Variants in KDM6B observed in about 807,000 individuals in gnomAD.
KDM6B encodes lysine-specific demethylase 6B.
A neutral mutation model predicts 150.4 loss-of-function variants in KDM6B; 22 were observed. That is an observed-to-expected ratio of 0.15 (90% confidence interval 0.10 to 0.21). KDM6B has a LOEUF of 0.21. Ranked by LOEUF, KDM6B falls within the 10% of genes least tolerant of loss-of-function variation. The probability of loss-of-function intolerance (pLI) is 1.00; values close to 1 mark genes in which losing one functional copy is unlikely to be tolerated. For synonymous variants in KDM6B, 1,148 were observed against 921.1 expected (o/e 1.25, Z -4.46); for missense variants, 1,984 against 2,234.3 (o/e 0.89, Z 2.26).
chr17:7,836,677 C>T (rs1372521404), intron 1 of KDM6B, among the ~76,000 whole-genome samples: 2 of 152,242 alleles, frequency 1.3e-5, no homozygotes, highest in Non-Finnish European at 2.9e-5. Flanking sequence ...AGGCAAGAGG[C>T]CTGAGTCCCT....
chr17:7,842,088 G>A (rs1308227809), intron 2 of KDM6B, among the ~76,000 whole-genome samples: 1 of 152,258 alleles, frequency 6.6e-6, no homozygotes, highest in Non-Finnish European at 1.5e-5. Flanking sequence ...ACGTGAGTTT[G>A]CGTGCGCACT....
chr17:7,843,835 G>C lies in KDM6B; in HGVS notation c.-268-1066G>C, dbSNP rs1365333166. Among the ~76,000 whole-genome samples, 1 of 152,172 alleles carries C rather than the reference G, an allele frequency of 6.6e-6. No individual in the cohort carries two copies. Among genetic ancestry groups the C allele is most frequent in the African/African-American group, 2.4e-5 (1 of 41,444 alleles). Reference sequence around the variant, plus strand: ...GGAGGCGCGGGGACGCAGCTCCTGGGCTCAGAGAGGCGAGAAGGAAGAGCT... The same window carrying C: ...GGAGGCGCGGGGACGCAGCTCCTGGCCTCAGAGAGGCGAGAAGGAAGAGCT... On this transcript the variant is annotated intron_variant, in intron 2 of 23. Transcript: ENST00000448097. The surrounding 1 kb of genome is among the most constrained non-coding windows in gnomAD (Gnocchi z 4.5).
At chr17:7,836,919 C>T (rs2078341682) in intron 1 of KDM6B, among the ~76,000 whole-genome samples, 2 of 152,174 alleles carry the variant, frequency 1.3e-5, no homozygotes, top group South Asian at 4.1e-4. Context: ...CTTCCTCCCC[C>T]TTCTATTCCC....
chr17:7,848,972 C>G lies in KDM6B; in HGVS notation c.2684C>G (p.Pro895Arg). Residue 895 changes from proline (P) to arginine (R), a missense_variant, in exon 12 of 24, where the codon CCC (proline) becomes CGC (arginine). Pro to Arg is a moderately radical substitution (Grantham distance 103, BLOSUM62 -2). Coordinates refer to ENST00000448097, the MANE Select transcript of KDM6B (RefSeq NM_001348716.2). ...GAGCCAGTCCCGGGCCCCATGACCC[C>G]CACCCAACCGCCCCCACCCCTATCT... The part of the protein sequence containing the change: ...GEEPVPGPMT[P>R]TQPPPPLSLP... 6.4e-7 allele frequency: 1 copy of G among 1,567,488 alleles called. No homozygotes were observed. Among genetic ancestry groups the G allele is most frequent in the African/African-American group, 1.4e-5 (1 of 74,016 alleles).
chr17:7,848,172 C>G lies in KDM6B; in HGVS notation c.1884C>G (p.Pro628=). The G allele has an allele frequency of 6.2e-7, 1 of 1,612,734 alleles. No homozygotes were observed. The highest frequency in any genetic ancestry group is 8.5e-7 in the Non-Finnish European group (1 of 1,179,932). The change falls in exon 12 of 24, where the codon CCC becomes CCG. Residue 628 remains proline, a synonymous_variant. Transcript: ENST00000448097. ...TSGSFRRPES[P]RPRVSFPKTP... Reference sequence around the variant, plus strand: ...GAAGCTTCAGGCGCCCGGAGAGCCCCCGGCCCAGGGTCTCCTTCCCAAAGA... The same window carrying G: ...GAAGCTTCAGGCGCCCGGAGAGCCCGCGGCCCAGGGTCTCCTTCCCAAAGA...
chr17:7,847,305 G>A lies in KDM6B; in HGVS notation c.1110G>A (p.Met370Ile). 1 of 1,607,132 alleles carries A rather than the reference G, an allele frequency of 6.2e-7. No homozygotes were observed. The highest frequency in any genetic ancestry group is 8.5e-7 in the Non-Finnish European group (1 of 1,179,880). The change falls in exon 11 of 24, where the codon ATG (methionine) becomes ATA (isoleucine). Residue 370 changes from methionine to isoleucine, a missense_variant. Met to Ile is a conservative substitution (Grantham distance 10). Coordinates refer to ENST00000448097, the MANE Select transcript of KDM6B (RefSeq NM_001348716.2). ...AGAGCAGAGTTCAGAGGTCGCGGAT[G>A]GACTCCAGCGTTTCACCAGCAGCAA... ...LRESRVQRSR[M>I]DSSVSPAATT...
chr17:7,849,010 C>T lies in KDM6B; in HGVS notation c.2722C>T (p.Arg908Cys), dbSNP rs747794347. Residue 908 changes from arginine (R) to cysteine (C), a missense_variant, in exon 12 of 24, where the codon CGC (arginine) becomes TGC (cysteine). This residue lies in a region of KDM6B where 1,379 missense variants were observed against 1,275.6 expected (regional missense o/e 1.08). Coordinates refer to ENST00000448097, the MANE Select transcript of KDM6B (RefSeq NM_001348716.2). ...CCCACCCCTATCTCTGCCCCCTGCT[C>T]GCTCTGAGTCTGAGGTGCTAGAAGA... ...PPPPLSLPPA[R>C]SESEVLEEIS... is the part of the protein sequence containing the mutation. The T allele has an allele frequency of 9.4e-6, 15 of 1,595,022 alleles. No homozygotes were observed. The highest frequency in any genetic ancestry group is 9.0e-5 in the East Asian group (4 of 44,480).
In KDM6B at chr17:7,853,822, G is replaced by A; in HGVS notation, c.*301G>A. 4.4e-6 allele frequency: 1 copy of A among 224,794 alleles called. No homozygotes were observed. The highest frequency in any genetic ancestry group is 1.4e-3 in the Middle Eastern group (1 of 710). 13.9% of individuals were successfully genotyped at this position (224,794 alleles called of 1,614,324 possible). A position where few individuals can be genotyped will look rare whatever the true frequency, so the allele number is the denominator to read the frequency against. ...GCAACAGACACAAGGACCAGGCTCCGGCGGCGGCGGGGGTCACATACGGGT... is the reference window on the plus strand; with the variant it reads ...GCAACAGACACAAGGACCAGGCTCCAGCGGCGGCGGGGGTCACATACGGGT... On this transcript the variant is annotated 3_prime_UTR_variant, in exon 24 of 24. Transcript: ENST00000448097.
Position 7,848,769 on chromosome 17 carries a change from C to T in KDM6B, c.2481C>T (p.Thr827=). ...CYRGTGAAVS[T]RPGPLPTTQY... ...GGGGGACTGGAGCAGCTGTTTCCAC[C>T]CGGCCTGGGCCCTTGCCCACCACTC... Residue 827 remains threonine (T), a synonymous_variant, in exon 12 of 24, where the codon ACC becomes ACT. Coordinates refer to ENST00000448097, the MANE Select transcript of KDM6B (RefSeq NM_001348716.2). 1.2e-6 allele frequency: 2 copies of T among 1,612,860 alleles called. No homozygotes were observed. Among genetic ancestry groups the T allele is most frequent in the Non-Finnish European group, 1.7e-6 (2 of 1,180,002 alleles).
Position 7,851,214 on chromosome 17 carries a change from G to A in KDM6B, c.3867G>A (p.Gln1289=). The part of the protein sequence containing the change: ...KYAQYQASSF[Q]ESLQEEKESE... ...CACAGTACCAGGCCTCATCCTTCCA[G>A]GAGTCTCTGCAGGTGAGATGAGAAC... The change falls in exon 15 of 24, where the codon CAG becomes CAA. Residue 1289 remains glutamine, a synonymous_variant. Transcript: ENST00000448097. The A allele has an allele frequency of 6.2e-7, 1 of 1,614,074 alleles. No individual in the cohort carries two copies. The highest frequency in any genetic ancestry group is 8.5e-7 in the Non-Finnish European group (1 of 1,180,042).
chr17:7,851,806 ACGCCTGTG>A lies in KDM6B; in HGVS notation c.4165+14_4165+21del, dbSNP rs1567802522. ...GGCAGCCGAACGCCAGGTGCGCTCC[ACGCCTGTG>A]CGCGCTGATGCTGGAAGCGCGAGAG... On this transcript the variant is annotated intron_variant, in intron 18 of 23. Transcript: ENST00000448097. 2 of 1,555,870 alleles carry A rather than the reference ACGCCTGTG, an allele frequency of 1.3e-6. No homozygotes were observed. The highest frequency in any genetic ancestry group is 1.7e-6 in the Non-Finnish European group (2 of 1,150,016).
At chr17:7,845,519 G>A in intron 4 of KDM6B, 31 bp from the exon 5 acceptor site, 2 of 1,613,926 alleles carry the variant, frequency 1.2e-6, no homozygotes, top group Non-Finnish European at 1.7e-6. Flanking sequence ...TTTGCCTCCA[G>A]TAAGAGCATA....
In KDM6B at chr17:7,847,401, TAGCAGCAGC is replaced by T. The variant is rs762814813; in HGVS notation, c.1211_1219del (p.Ser404_Ser406del). ...CCGGCACCACCACCAGCAGCAGCAGTAGCAGCAGCAGCAACACTGGTCTCCGGGGCGTGG... is the reference window on the plus strand; with the variant it reads ...CCGGCACCACCACCAGCAGCAGCAGTAGCAACACTGGTCTCCGGGGCGTGG... On this transcript the variant is annotated inframe_deletion, in exon 11 of 24. Coordinates refer to ENST00000448097, the MANE Select transcript of KDM6B (RefSeq NM_001348716.2). 16 of 1,613,418 alleles carry T rather than the reference TAGCAGCAGC, an allele frequency of 9.9e-6. No individual in the cohort carries two copies. Among genetic ancestry groups the T allele is most frequent in the Non-Finnish European group, 1.3e-5 (15 of 1,179,922 alleles).
rs1363082062 is a variant in KDM6B at position 7,834,337 on chromosome 17, C to G, written c.-401C>G. 6.6e-6 allele frequency among the ~76,000 whole-genome samples: 1 copy of G among 151,978 alleles called. No homozygotes were observed. The highest frequency in any genetic ancestry group is 1.5e-5 in the Non-Finnish European group (1 of 67,978). ...TTGGGGAGCCTGAACACCTGGGACC[C>G]CCCCCAGAACCAGGTAACGGGGAGC... On this transcript the variant is annotated 5_prime_UTR_variant, in exon 1 of 24. Coordinates refer to ENST00000448097, the MANE Select transcript of KDM6B (RefSeq NM_001348716.2).
At position 7,846,072 on chromosome 17, in the gene KDM6B, C is replaced by T. The variant is rs1288905199; in HGVS notation, c.237-6C>T. The T allele has an allele frequency of 6.6e-6, 8 of 1,205,188 alleles. No individual in the cohort carries two copies. The highest frequency in any genetic ancestry group is 3.1e-5 in the East Asian group (1 of 32,714). 74.7% of individuals were successfully genotyped at this position (1,205,188 alleles called of 1,614,324 possible). The stretch of plus-strand genomic sequence containing the variant: ...CACCCACACCCCCACCCCTTCTGCT[C>T]TGTAGGGCGCCCACTCCAAGACCCC... On this transcript the variant is annotated splice_region_variant and splice_polypyrimidine_tract_variant and intron_variant, in intron 6 of 23. Coordinates refer to ENST00000448097, the MANE Select transcript of KDM6B (RefSeq NM_001348716.2).
At position 7,846,095 on chromosome 17, in the gene KDM6B, C is replaced by T. The variant is rs1328238261; in HGVS notation, c.254C>T (p.Pro85Leu). ...CTCTGTAGGGCGCCCACTCCAAGAC[C>T]CCTCCATGGGAAGCTGGAATCCCTG... ...YYAPGAPTPRPLHGKLESLHG... is the reference protein window; with the variant it reads ...YYAPGAPTPRLLHGKLESLHG... Residue 85 changes from proline to leucine, a missense_variant, in exon 7 of 24, where the codon CCC becomes CTC. Pro to Leu is a moderately conservative substitution (Grantham distance 98). This residue lies in a region of KDM6B where 337 missense variants were observed against 323.9 expected (regional missense o/e 1.04). Coordinates refer to ENST00000448097, the MANE Select transcript of KDM6B (RefSeq NM_001348716.2). 12 of 1,611,966 alleles carry T rather than the reference C, an allele frequency of 7.4e-6. No individual in the cohort carries two copies. Among genetic ancestry groups the T allele is most frequent in the Non-Finnish European group, 9.3e-6 (11 of 1,179,342 alleles).
Position 7,853,408 on chromosome 17 carries a change from C to T in KDM6B, c.4908+28C>T, listed in dbSNP as rs1322259727. 6 of 1,533,760 alleles carry T rather than the reference C, an allele frequency of 3.9e-6. No homozygotes were observed. The South Asian group carries it at 4.8e-5, about 12-fold the overall frequency. The stretch of plus-strand genomic sequence containing the variant: ...GAGGGCCCGGCGGGCGCGCGGGCAG[C>T]GGAGGAGGGCACTGGGGCAGGCTGC... On this transcript the variant is annotated intron_variant, in intron 23 of 23. Coordinates refer to ENST00000448097, the MANE Select transcript of KDM6B (RefSeq NM_001348716.2).
In KDM6B at chr17:7,848,339, A is replaced by G; in HGVS notation, c.2051A>G (p.Glu684Gly). The G allele has an allele frequency of 6.2e-7, 1 of 1,612,646 alleles. No homozygotes were observed. Among genetic ancestry groups the G allele is most frequent in the Non-Finnish European group, 8.5e-7 (1 of 1,179,982 alleles). The change falls in exon 12 of 24, where the codon GAG (glutamate) becomes GGG (glycine). Residue 684 changes from glutamate to glycine, a missense_variant. Physicochemically the swap from Glu to Gly is moderately conservative, Grantham distance 98. Coordinates refer to ENST00000448097, the MANE Select transcript of KDM6B (RefSeq NM_001348716.2). ...ACTCCGCTGGAGGACCAGTTTGAGG[A>G]GCCAGCCGAATTCAAGATCCTACCT... ...PPTPLEDQFE[E>G]PAEFKILPDG...
At chr17:7,851,263 CG>C (rs1567801622) in intron 15 of KDM6B, 37 bp downstream of exon 15, 1 of 1,613,052 alleles carries the variant, frequency 6.2e-7, no homozygotes, top group Non-Finnish European at 8.5e-7. Context: ...GGTCCTGGGA[CG>C]GGGCTGCGGT....
Sources: allele counts gnomAD v4.1 joint callset (sites outside exome capture counted in the v4.1 genomes callset), GRCh38; gene constraint gnomAD v4.1.1; regional missense constraint gnomAD v4.1.1; non-coding constraint Gnocchi (gnomAD v3.1); transcripts MANE v1.5; gene names NCBI Gene and HGNC (gene_info 2026-07-23, HGNC 2026-07-21).